Variants in CENPF observed in about 807,000 individuals in gnomAD.
CENPF encodes the protein AH antigen.
Under a neutral mutation model 307.3 loss-of-function variants are expected in CENPF, and 214 were observed. The ratio of observed to expected loss-of-function variants is 0.70; its 90% confidence interval spans 0.62 to 0.78. The LOEUF (loss-of-function observed/expected upper bound fraction) is 0.78. Among genes scored for constraint, CENPF ranks in the 30% least tolerant of loss-of-function variants. CENPF has a pLI of 0.00. For missense variants in CENPF, 3,401 were observed against 3,483.9 expected (o/e 0.98, Z 0.60); for synonymous variants, 1,259 against 1,270.6 (o/e 0.99, Z 0.19).
At chr1:214,651,975 T>G (rs1231991394) in intron 15 of CENPF, 89 bp downstream of exon 15, 7 of 1,169,690 alleles carry the variant, frequency 6.0e-6, no homozygotes, top group African/African-American at 1.5e-5. Context: ...AAAATCAATA[T>G]TCTGGGTTAT....
chr1:214,663,476 T>C (rs1404906821), intron 19 of CENPF, 115 bp from the exon 20 acceptor site: 1 of 1,013,348 alleles, frequency 9.9e-7, no homozygotes, highest in Admixed American at 2.3e-5. Context: ...TTCAATTATA[T>C]ATAACTCCTA....
intron 7 of CENPF, among the ~76,000 whole-genome samples, chr1:214,627,092 A>G (rs1657675031): frequency 1.3e-5 from 2 of 151,758 alleles, no homozygotes; most frequent in African/African-American, 4.8e-5. Context: ...GTTTTGAGAC[A>G]GGGTCTCACT....
In CENPF at chr1:214,639,964, A is replaced by G. The variant is rs1226907483; in HGVS notation, c.1626A>G (p.Glu542=). ...SQETMLRDLQ[E]KINQQENSLT... ...AAACCATGTTAAGAGATCTTCAAGA[A>G]AAAATAAATCAGCAAGAAAACTCCT... The change falls in exon 12 of 20, where the codon GAA becomes GAG. Residue 542 remains glutamate, a synonymous_variant. Transcript: ENST00000366955. 1 of 1,564,546 alleles carries G rather than the reference A, an allele frequency of 6.4e-7. No homozygotes were observed. The highest frequency in any genetic ancestry group is 1.2e-5 in the South Asian group (1 of 82,434).
intron 14 of CENPF, among the ~76,000 whole-genome samples, chr1:214,649,505 A>G (rs1271832164): frequency 6.6e-6 from 1 of 152,244 alleles, no homozygotes; most frequent in African/African-American, 2.4e-5. Context: ...TTTAAAGAAC[A>G]GCAAAATAAG....
intron 3 of CENPF, among the ~76,000 whole-genome samples, chr1:214,616,433 T>C (rs1657339146): frequency 1.3e-5 from 2 of 152,192 alleles, no homozygotes; most frequent in South Asian, 4.1e-4. Context: ...TGGCTACAAG[T>C]GGCAATTATG....
intron 10 of CENPF, among the ~76,000 whole-genome samples, chr1:214,635,976 G>C (rs929189572): frequency 6.6e-6 from 1 of 151,894 alleles, no homozygotes; most frequent in African/African-American, 2.4e-5. Context: ...GGTGTCATTT[G>C]ATTTGATTAA....
At chr1:214,616,630 G>A (rs970989507) in intron 3 of CENPF, among the ~76,000 whole-genome samples, 1 of 151,912 alleles carries the variant, frequency 6.6e-6, no homozygotes, top group East Asian at 1.9e-4. Flanking sequence ...CTTATTTCTC[G>A]GTGCTTTTTA....
chr1:214,657,466 T>C (rs1658672070), intron 18 of CENPF, 57 bp downstream of exon 18: 2 of 1,301,420 alleles, frequency 1.5e-6, no homozygotes, highest in Non-Finnish European at 2.1e-6. Context: ...CATATAATGG[T>C]TCACATATAA....
At position 214,664,049 on chromosome 1, in the gene CENPF, T is replaced by G; in HGVS notation, c.*255T>G. On this transcript the variant is annotated 3_prime_UTR_variant, in exon 20 of 20. Transcript: ENST00000366955. ...GTATAAAGCTATGTATATAAAGCTT[T>G]TTGGTAATATGTTACAATTAAAATG... 1 of 342,664 alleles carries G rather than the reference T, an allele frequency of 2.9e-6. No homozygotes were observed. Among genetic ancestry groups the G allele is most frequent in the Non-Finnish European group, 5.2e-6 (1 of 190,582 alleles). 21.2% of individuals were successfully genotyped at this position (342,664 alleles called of 1,614,324 possible). A position where few individuals can be genotyped will look rare whatever the true frequency, so the allele number is the denominator to read the frequency against.
chr1:214,656,160 A>T lies in CENPF; in HGVS notation c.8485+757A>T, dbSNP rs553542035. On this transcript the variant is annotated intron_variant, in intron 17 of 19. Coordinates refer to ENST00000366955, the MANE Select transcript of CENPF (RefSeq NM_016343.4). ...GCATATTTTTAGTTGTGCAGGCAAA[A>T]TAGAAAAGGAAAGAAATGATAACTC... is the stretch of plus-strand genomic sequence containing the variant. 5.3e-5 allele frequency among the ~76,000 whole-genome samples: 8 copies of T among 152,296 alleles called. No individual in the cohort carries two copies. In the South Asian group the frequency reaches 1.7e-3, roughly 32 times the overall value.
At position 214,646,715 on chromosome 1, in the gene CENPF, G is replaced by A. The variant is rs1432789193; in HGVS notation, c.7145G>A (p.Gly2382Asp). The A allele has an allele frequency of 6.2e-7, 1 of 1,613,986 alleles. No homozygotes were observed. Residue 2382 changes from glycine to aspartate, a missense_variant, in exon 13 of 20, where the codon GGT becomes GAT. Physicochemically the swap from Gly to Asp is moderately conservative, Grantham distance 94. Transcript: ENST00000366955. ...GAAGGGATGACCCAAAGTCTGAGAG[G>A]TCTGGAATTAGATGTTGTTACTATA... ...KIEGMTQSLRGLELDVVTIRS... is the reference protein window; with the variant it reads ...KIEGMTQSLRDLELDVVTIRS...
In CENPF at chr1:214,657,328, G is replaced by A. The variant is rs749142909; in HGVS notation, c.8881G>A (p.Val2961Ile). 2 of 1,613,810 alleles carry A rather than the reference G, an allele frequency of 1.2e-6. No homozygotes were observed. Among genetic ancestry groups the A allele is most frequent in the African/African-American group, 2.7e-5 (2 of 75,054 alleles). ...ESFSKKSKKAVMSGIHPAEDT... is the reference protein window; with the variant it reads ...ESFSKKSKKAIMSGIHPAEDT... ...CTTTTCTAAAAAAAGCAAGAAAGCA[G>A]TCATGAGTGGTATTCACCCTGCAGA... is the stretch of plus-strand genomic sequence containing the variant. The change falls in exon 18 of 20, where the codon GTC becomes ATC. Residue 2961 changes from valine to isoleucine, a missense_variant. Transcript: ENST00000366955.
Position 214,610,523 on chromosome 1 carries a change from T to C in CENPF, c.-41-3191T>C, listed in dbSNP as rs183854121. Among the ~76,000 whole-genome samples the C allele has an allele frequency of 1.4e-3, 208 of 152,206 alleles. 2 individuals carry two copies. The highest frequency in any genetic ancestry group is 4.8e-3 in the African/African-American group (201 of 41,560). Reference sequence around the variant, plus strand: ...AAAAGTGTTCATGTCCTTTGCCTACTTTTTAATGGGGTTGTTGTTTTTCTC... The same window carrying C: ...AAAAGTGTTCATGTCCTTTGCCTACCTTTTAATGGGGTTGTTGTTTTTCTC... On this transcript the variant is annotated intron_variant, in intron 1 of 19. Transcript: ENST00000366955.
chr1:214,608,782 C>G, intron 1 of CENPF: 3 of 1,600,940 alleles, frequency 1.9e-6, no homozygotes, highest in Non-Finnish European at 2.5e-6. Flanking sequence ...AGCGATGCGG[C>G]CGGGGCAGGG....
chr1:214,633,028 A>G (rs1657850738), intron 10 of CENPF, among the ~76,000 whole-genome samples: 1 of 152,236 alleles, frequency 6.6e-6, no homozygotes, highest in Admixed American at 6.5e-5. Context: ...GTGTCTTTCA[A>G]TATTAAAAAC....
chr1:214,663,157 T>C lies in CENPF; in HGVS notation c.9142-434T>C, dbSNP rs570315895. On this transcript the variant is annotated intron_variant, in intron 19 of 19. Transcript: ENST00000366955. The stretch of plus-strand genomic sequence containing the variant: ...TAAAGGGAGAATGATTAAAATACCC[T>C]GAACTGGTCCTTGGTCATTTTAAAA... Among the ~76,000 whole-genome samples, 9 of 152,372 alleles carry C rather than the reference T, an allele frequency of 5.9e-5. No homozygotes were observed. In the East Asian group the frequency reaches 1.7e-3, roughly 29 times the overall value.
chr1:214,611,430 A>C (rs1657197728), intron 1 of CENPF, among the ~76,000 whole-genome samples: 1 of 151,744 alleles, frequency 6.6e-6, no homozygotes, highest in African/African-American at 2.4e-5. Flanking sequence ...CAGTGGTGCG[A>C]TCTCAGCTCA....
At chr1:214,663,486 A>G (rs1658836989) in intron 19 of CENPF, 105 bp from the exon 20 acceptor site, 1 of 1,103,792 alleles carries the variant, frequency 9.1e-7, no homozygotes, top group African/African-American at 1.6e-5. Context: ...TATAACTCCT[A>G]GAGAAGAAGA....
At chr1:214,633,006 C>T (rs116179576) in intron 10 of CENPF, among the ~76,000 whole-genome samples, 1 of 152,316 alleles carries the variant, frequency 6.6e-6, no homozygotes, top group Non-Finnish European at 1.5e-5. Context: ...CCTTTTCTAA[C>T]TGTTGGCATT....
Sources: allele counts gnomAD v4.1 joint callset (sites outside exome capture counted in the v4.1 genomes callset), GRCh38; gene constraint gnomAD v4.1.1; transcripts MANE v1.5; gene names NCBI Gene and HGNC (gene_info 2026-07-23, HGNC 2026-07-21).